Variants in KMT2A observed in about 807,000 individuals in gnomAD.
KMT2A encodes histone-lysine N-methyltransferase 2A.
KMT2A carries 16 observed loss-of-function variants against 345.3 expected under a neutral mutation model. That is an observed-to-expected ratio of 0.05 (90% confidence interval 0.03 to 0.07). The LOEUF is 0.07. Ranked by LOEUF, KMT2A falls within the 10% of genes least tolerant of loss-of-function variation. KMT2A has a pLI of 1.00. For synonymous variants in KMT2A, 1,599 were observed against 1,778.6 expected, an observed-to-expected ratio of 0.90 and a Z score of 2.54; for missense variants, 3,272 against 4,841.6, an observed-to-expected ratio of 0.68 and a Z score of 9.62.
intron 2 of KMT2A, 64 bp from the exon 3 acceptor site, chr11:118,471,598 C>A: frequency 8.6e-7 from 1 of 1,162,562 alleles, no homozygotes; most frequent in Non-Finnish European, 1.2e-6. Flanking sequence ...TTATATTCAG[C>A]TTAGTTAAAA....
In KMT2A at chr11:118,504,854, C is replaced by G. The variant is rs1565305142; in HGVS notation, c.8962C>G (p.Pro2988Ala). 1 of 1,614,148 alleles carries G rather than the reference C, an allele frequency of 6.2e-7. No homozygotes were observed. The highest frequency in any genetic ancestry group is 8.5e-7 in the Non-Finnish European group (1 of 1,180,030). Residue 2988 changes from proline (P) to alanine (A), a missense_variant, in exon 27 of 36, where the codon CCT (proline) becomes GCT (alanine). This residue lies in a region of KMT2A where 748 missense variants were observed against 922.2 expected (regional missense o/e 0.81). Transcript: ENST00000534358. The surrounding 1 kb of genome is among the most constrained non-coding windows in gnomAD (Gnocchi z 6.4). ...GCTGAGCCCAGGAGTAGATCCAACT[C>G]CTGAAGGCCACATGACTCCTGATCA... ...ALLSPGVDPT[P>A]EGHMTPDHFI...
chr11:118,518,234 G>A (rs1403252836), intron 31 of KMT2A, among the ~76,000 whole-genome samples: 1 of 152,182 alleles, frequency 6.6e-6, no homozygotes, highest in Non-Finnish European at 1.5e-5. Flanking sequence ...TCAAAAAGAA[G>A]TGTGGCAGTT....
In KMT2A at chr11:118,525,739, A is replaced by G. The variant is rs1951068716; in HGVS notation, c.*3567A>G. On this transcript the variant is annotated 3_prime_UTR_variant, in exon 36 of 36. Transcript: ENST00000534358. Reference sequence around the variant, plus strand: ...ATACTAAAGGTCAAAACCTTGTCAGATGTTAACTTCTAAGTTCGGTTTGGG... The same window carrying G: ...ATACTAAAGGTCAAAACCTTGTCAGGTGTTAACTTCTAAGTTCGGTTTGGG... 4.4e-6 allele frequency: 1 copy of G among 228,924 alleles called. No homozygotes were observed. Among genetic ancestry groups the G allele is most frequent in the Non-Finnish European group, 8.7e-6 (1 of 115,600 alleles). The allele number at this position is 228,924 out of a possible 1,614,324, so 14.2% of individuals were successfully genotyped here. A position where few individuals can be genotyped will look rare whatever the true frequency, so the allele number is the denominator to read the frequency against.
At chr11:118,517,704 G>GT (rs1950852605) in intron 31 of KMT2A, among the ~76,000 whole-genome samples, 3 of 151,810 alleles carry the variant, frequency 2.0e-5, no homozygotes, top group Admixed American at 2.0e-4. Flanking sequence ...GCCAAACACA[G>GT]TGGCATATAT....
intron 1 of KMT2A, among the ~76,000 whole-genome samples, chr11:118,457,371 G>A (rs1949664611): frequency 6.9e-6 from 1 of 145,654 alleles, no homozygotes; most frequent in Non-Finnish European, 1.5e-5. Context: ...GGGTTCAAGC[G>A]ATTCTCCGCC....
chr11:118,502,349 C>T lies in KMT2A; in HGVS notation c.6506-49C>T, dbSNP rs1210340421. 3 of 1,305,978 alleles carry T rather than the reference C, an allele frequency of 2.3e-6. No individual in the cohort carries two copies. The highest frequency in any genetic ancestry group is 3.0e-5 in the African/African-American group (2 of 67,530). The allele number at this position is 1,305,978 out of a possible 1,614,324, so 80.9% of individuals were successfully genotyped here. ...ATCATTGAAACCAGTGACTTCTACA[C>T]ATTTGTTCTATCTACAATAGCATTT... On this transcript the variant is annotated intron_variant, in intron 26 of 35. Coordinates refer to ENST00000534358, the MANE Select transcript of KMT2A (RefSeq NM_001197104.2). This position sits in a 1 kb window ranked among gnomAD's most constrained non-coding sequence, Gnocchi z 4.9.
intron 5 of KMT2A, 64 bp from the exon 6 acceptor site, chr11:118,480,110 C>A: frequency 7.8e-7 from 1 of 1,281,250 alleles, no homozygotes; most frequent in Non-Finnish European, 1.1e-6. Flanking sequence ...ACAAAATGAA[C>A]ACTTGTTTCA....
At chr11:118,446,680 CT>C (rs1949428596) in intron 1 of KMT2A, among the ~76,000 whole-genome samples, 1 of 152,130 alleles carries the variant, frequency 6.6e-6, no homozygotes, top group Non-Finnish European at 1.5e-5. Flanking sequence ...ATTTCCATTA[CT>C]TTTGGATAGT....
intron 1 of KMT2A, 98 bp downstream of exon 1, chr11:118,437,042 C>T: frequency 7.7e-7 from 1 of 1,305,536 alleles, no homozygotes; most frequent in Non-Finnish European, 9.9e-7. Flanking sequence ...AATTCTGGGA[C>T]CATCTCGGGG....
At chr11:118,509,304 T>A in intron 29 of KMT2A, 104 bp downstream of exon 29, 2 of 899,582 alleles carry the variant, frequency 2.2e-6, no homozygotes, top group Non-Finnish European at 3.3e-6. Context: ...AAAAAAAAAA[T>A]CTAAGCTCCA....
At chr11:118,509,836 C>T (rs1241966854) in intron 29 of KMT2A, 112 bp from the exon 30 acceptor site, 4 of 739,166 alleles carry the variant, frequency 5.4e-6, no homozygotes, top group Non-Finnish European at 8.1e-6. Flanking sequence ...AATAATAAAC[C>T]AACTGTGGAA....
chr11:118,469,933 G>A (rs547094206), intron 2 of KMT2A, among the ~76,000 whole-genome samples: 7 of 152,336 alleles, frequency 4.6e-5, no homozygotes, highest in African/African-American at 1.7e-4. Flanking sequence ...TATTCAGACA[G>A]TAGCAGTGTT....
chr11:118,468,331 C>G (rs1949884139), intron 1 of KMT2A, among the ~76,000 whole-genome samples: 1 of 152,146 alleles, frequency 6.6e-6, no homozygotes, highest in South Asian at 2.1e-4. Context: ...ATTTAGAAGG[C>G]AAGAGATTAT....
At chr11:118,457,257 CTTTTTTTTTTT>C (rs782636684) in intron 1 of KMT2A, among the ~76,000 whole-genome samples, 8 of 89,058 alleles carry the variant, frequency 9.0e-5, no homozygotes, top group African/African-American at 3.8e-4. Context: ...CACCTCCTGC[CTTTTTTTTTTT>C]TTTTTTTTTT....
In KMT2A at chr11:118,491,449, G is replaced by A; in HGVS notation, c.4819+131G>A. Reference sequence around the variant, plus strand: ...CTCTAAATTTATTTTTTAGTCTCTAGAATAAGCAGCATTGTATTATTTGTG... The same window carrying A: ...CTCTAAATTTATTTTTTAGTCTCTAAAATAAGCAGCATTGTATTATTTGTG... On this transcript the variant is annotated intron_variant, in intron 14 of 35. Coordinates refer to ENST00000534358, the MANE Select transcript of KMT2A (RefSeq NM_001197104.2). The surrounding 1 kb of genome is among the most constrained non-coding windows in gnomAD (Gnocchi z 4.2). 1.1e-6 allele frequency: 1 copy of A among 882,148 alleles called. No homozygotes were observed. The highest frequency in any genetic ancestry group is 1.7e-6 in the Non-Finnish European group (1 of 595,966). The allele number at this position is 882,148 out of a possible 1,614,324, so 54.6% of individuals were successfully genotyped here. A position where few individuals can be genotyped will look rare whatever the true frequency, so the allele number is the denominator to read the frequency against.
chr11:118,485,501 G>A (rs1056857519), intron 10 of KMT2A, among the ~76,000 whole-genome samples: 7 of 152,038 alleles, frequency 4.6e-5, no homozygotes, highest in Non-Finnish European at 8.8e-5. Context: ...GGAAATTAAA[G>A]CATGATAAAA....
Position 118,510,632 on chromosome 11 carries a change from G to A in KMT2A, c.11071+514G>A, listed in dbSNP as rs147574394. 5.3e-5 allele frequency among the ~76,000 whole-genome samples: 8 copies of A among 152,176 alleles called. No individual in the cohort carries two copies. The East Asian group carries it at 1.4e-3, about 26-fold the overall frequency. ...TCATAGCTTACATTTTGTTTTGTCC[G>A]TGTTTGTTTACTTTTATCACTCACT... On this transcript the variant is annotated intron_variant, in intron 30 of 35. Transcript: ENST00000534358. The surrounding 1 kb of genome is among the most constrained non-coding windows in gnomAD (Gnocchi z 4.1).
chr11:118,497,283 G>A lies in KMT2A; in HGVS notation c.5665-653G>A, dbSNP rs1440772240. 3.3e-5 allele frequency among the ~76,000 whole-genome samples: 5 copies of A among 152,064 alleles called. No homozygotes were observed. Among genetic ancestry groups the A allele is most frequent in the African/African-American group, 9.7e-5 (4 of 41,402 alleles). ...ATCCCAAAGTGGTGGGATTACAGGC[G>A]TGAGCCACCGTGCCCGGCCAAAAGC... On this transcript the variant is annotated intron_variant, in intron 20 of 35. Coordinates refer to ENST00000534358, the MANE Select transcript of KMT2A (RefSeq NM_001197104.2). This position sits in a 1 kb window ranked among gnomAD's most constrained non-coding sequence, Gnocchi z 4.8.
In KMT2A at chr11:118,496,481, T is replaced by G; in HGVS notation, c.5664+114T>G. The G allele has an allele frequency of 1.6e-6, 1 of 613,892 alleles. No individual in the cohort carries two copies. The highest frequency in any genetic ancestry group is 2.9e-4 in the Middle Eastern group (1 of 3,448). The allele number at this position is 613,892 out of a possible 1,614,324, so 38.0% of individuals were successfully genotyped here. ...TTTATTTAATGAACTTACTTATAAC[T>G]TACTAATTTATAACTTTTATTTACC... On this transcript the variant is annotated intron_variant, in intron 20 of 35. Coordinates refer to ENST00000534358, the MANE Select transcript of KMT2A (RefSeq NM_001197104.2). The surrounding 1 kb of genome is among the most constrained non-coding windows in gnomAD (Gnocchi z 4.7).
Sources: allele counts gnomAD v4.1 joint callset (sites outside exome capture counted in the v4.1 genomes callset), GRCh38; gene constraint gnomAD v4.1.1; regional missense constraint gnomAD v4.1.1; non-coding constraint Gnocchi (gnomAD v3.1); transcripts MANE v1.5; gene names NCBI Gene and HGNC (gene_info 2026-07-23, HGNC 2026-07-21).